The following SNTG2 variants were observed in gnomAD, a reference collection of about 807,000 sequenced individuals.
The protein encoded by SNTG2 is gamma-2-syntrophin.
In SNTG2, 74 loss-of-function variants were observed where a neutral mutation model predicts 70.9. The ratio of observed to expected loss-of-function variants is 1.04; its 90% CI spans 0.86 to 1.27. The LOEUF (loss-of-function observed/expected upper bound fraction) is 1.27, where lower values mean the gene tolerates loss of function less well. SNTG2 is among the 50% of genes most tolerant of loss of function. The probability of loss-of-function intolerance (pLI) is 0.00; values close to 1 mark genes in which losing one functional copy is unlikely to be tolerated. For missense variants in SNTG2, 717 were observed against 690.7 expected (o/e 1.04, Z -0.43); for synonymous variants, 278 against 273.8 (o/e 1.02, Z -0.15).
At chr2:988,005 C>T (rs751720588) in intron 1 of SNTG2, among the ~76,000 whole-genome samples, 13 of 152,246 alleles carry the variant, frequency 8.5e-5, no homozygotes, top group Non-Finnish European at 1.5e-4. Context: ...CTGCCCTCAG[C>T]CTCGCCCTGC....
chr2:1,100,062 T>A (rs1393185227), intron 4 of SNTG2, among the ~76,000 whole-genome samples: 2 of 152,052 alleles, frequency 1.3e-5, no homozygotes, highest in East Asian at 1.9e-4. Context: ...AATTTAAGTG[T>A]GATAAGAAAT....
At chr2:1,331,038 C>A (rs942010762) in intron 16 of SNTG2, among the ~76,000 whole-genome samples, 1 of 152,164 alleles carries the variant, frequency 6.6e-6, no homozygotes, top group African/African-American at 2.4e-5. Context: ...CACCTTGGGG[C>A]AGCAGATTGA....
intron 4 of SNTG2, among the ~76,000 whole-genome samples, chr2:1,134,175 C>T (rs187173020): frequency 1.6e-4 from 24 of 152,194 alleles, no homozygotes; most frequent in African/African-American, 5.3e-4. Context: ...ATAAAGGCAG[C>T]GTGGACCCAA....
chr2:1,081,648 C>CT (rs1382877338), intron 1 of SNTG2, among the ~76,000 whole-genome samples: 1 of 152,258 alleles, frequency 6.6e-6, no homozygotes, highest in African/African-American at 2.4e-5. Flanking sequence ...TCCACAGGCA[C>CT]TGCCCCTTCC....
At chr2:1,088,424 CT>C (rs777514735) in intron 2 of SNTG2, among the ~76,000 whole-genome samples, 3 of 152,306 alleles carry the variant, frequency 2.0e-5, no homozygotes, top group Middle Eastern at 6.8e-3. Flanking sequence ...CCTGGCACCC[CT>C]GGTCCTGCTC....
intron 1 of SNTG2, among the ~76,000 whole-genome samples, chr2:1,001,977 G>A (rs868352522): frequency 3.3e-5 from 5 of 152,154 alleles, no homozygotes; most frequent in Middle Eastern, 3.4e-3. Flanking sequence ...ACAGGCAACT[G>A]ATCTTTTACA....
intron 16 of SNTG2, among the ~76,000 whole-genome samples, chr2:1,324,520 GTTC>G (rs1192888789): frequency 1.3e-5 from 2 of 152,044 alleles, no homozygotes; most frequent in African/African-American, 4.8e-5. Context: ...TTAAATTTAG[GTTC>G]TTCTTTAGAG....
chr2:1,099,413 T>C (rs1004191233), intron 4 of SNTG2, among the ~76,000 whole-genome samples: 20 of 152,148 alleles, frequency 1.3e-4, no homozygotes, highest in African/African-American at 4.8e-4. Context: ...CCACCAGAAA[T>C]GTGGAGGTTC....
At chr2:1,176,540 A>G (rs925138128) in intron 8 of SNTG2, among the ~76,000 whole-genome samples, 3 of 152,168 alleles carry the variant, frequency 2.0e-5, no homozygotes, top group Non-Finnish European at 2.9e-5. Context: ...AAAAACAACT[A>G]TCATCAGAGT....
chr2:1,186,644 G>C (rs146021659), intron 8 of SNTG2, among the ~76,000 whole-genome samples: 6 of 152,180 alleles, frequency 3.9e-5, no homozygotes, highest in East Asian at 3.9e-4. Context: ...GAGCAAGAAG[G>C]GGGAGGTGCT....
chr2:1,124,305 A>ATTTTTTTTTTTTTTTTTTT (rs763685919), intron 4 of SNTG2, among the ~76,000 whole-genome samples: 1 of 147,436 alleles, frequency 6.8e-6, no homozygotes. Flanking sequence ...TCTTTTTTTA[A>ATTTTTTTTTTTTTTTTTTT]TTTTTCTCAG....
At chr2:1,237,830 G>A (rs902741106) in intron 9 of SNTG2, 58 bp from the exon 10 acceptor site, 28 of 1,543,478 alleles carry the variant, frequency 1.8e-5, no homozygotes, top group African/African-American at 1.1e-4. Context: ...CGAAACTCAC[G>A]GAGGCAGGCC....
chr2:1,194,170 A>G (rs547422351), intron 8 of SNTG2, among the ~76,000 whole-genome samples: 1 of 152,348 alleles, frequency 6.6e-6, no homozygotes, highest in Admixed American at 6.5e-5. Context: ...CTTTATAAGA[A>G]GCTGTAACTC....
chr2:1,273,720 C>G (rs983924036), intron 14 of SNTG2, among the ~76,000 whole-genome samples: 1 of 151,302 alleles, frequency 6.6e-6, no homozygotes, highest in South Asian at 2.1e-4. Context: ...GAAGAATAAA[C>G]AGCATAAAGT....
At chr2:1,362,135 TC>T (rs1661200382) in intron 16 of SNTG2, among the ~76,000 whole-genome samples, 1 of 152,018 alleles carries the variant, frequency 6.6e-6, no homozygotes, top group Non-Finnish European at 1.5e-5. Context: ...CAGTAGAACT[TC>T]CACGAAGGTC....
intron 6 of SNTG2, among the ~76,000 whole-genome samples, chr2:1,142,875 G>A (rs975204723): frequency 6.6e-6 from 1 of 152,166 alleles, no homozygotes; most frequent in Non-Finnish European, 1.5e-5. Flanking sequence ...TTCTGCCATT[G>A]TCATGACCAT....
chr2:1,359,189 G>C (rs1421990516), intron 16 of SNTG2, among the ~76,000 whole-genome samples: 1 of 151,974 alleles, frequency 6.6e-6, no homozygotes, highest in East Asian at 1.9e-4. Context: ...ATTATATATA[G>C]TATTTTTAAA....
At chr2:1,216,261 A>G (rs1226152541) in intron 9 of SNTG2, among the ~76,000 whole-genome samples, 2 of 152,052 alleles carry the variant, frequency 1.3e-5, no homozygotes, top group Admixed American at 6.6e-5. Context: ...CTGGTGTGAG[A>G]TGGTATCTCA....
intron 1 of SNTG2, among the ~76,000 whole-genome samples, chr2:1,015,986 T>A (rs1283882586): frequency 6.6e-6 from 1 of 152,228 alleles, no homozygotes; most frequent in East Asian, 1.9e-4. Flanking sequence ...AATAGAATAC[T>A]GTAGGGGATT....
Sources: gnomAD v4.1 joint callset for allele counts (sites outside exome capture counted in the v4.1 genomes callset) on GRCh38, gnomAD v4.1.1 for gene constraint, MANE v1.5 for transcripts, NCBI Gene and HGNC (gene_info 2026-07-23, HGNC 2026-07-21) for gene names.